Variants in BCAS3 observed in about 807,000 individuals in gnomAD.
The protein encoded by BCAS3 is BCAS3 microtubule associated cell migration factor.
In BCAS3, 53 loss-of-function variants were observed where a neutral mutation model predicts 116.1. That is an observed-to-expected ratio of 0.46 (90% CI 0.37 to 0.57). The LOEUF is 0.57. BCAS3 is among the 20% of genes least tolerant of loss of function. The pLI is 0.00. For synonymous variants in BCAS3, 391 were observed against 408.2 expected (o/e 0.96, Z 0.51); for missense variants, 917 against 1,165.4 (o/e 0.79, Z 3.10).
chr17:60,714,299 C>T (rs2038294551), intron 5 of BCAS3, among the ~76,000 whole-genome samples: 1 of 152,096 alleles, frequency 6.6e-6, no homozygotes, highest in Non-Finnish European at 1.5e-5. Flanking sequence ...TGTAGGTGGG[C>T]AGAAAATCAA....
rs1286543833 is a variant in BCAS3, at chr17:61,276,648, T to C, written c.2426-91679T>C. ...AGATTCAACACAATCTCTATCAAAA[T>C]GATCTCTATCAAAATCTCTATCAAA... On this transcript the variant is annotated intron_variant, in intron 22 of 23. Coordinates refer to ENST00000407086, the MANE Select transcript of BCAS3 (RefSeq NM_017679.5). This position sits in a 1 kb window ranked among gnomAD's most constrained non-coding sequence, Gnocchi z 4.2. Among the ~76,000 whole-genome samples the C allele has an allele frequency of 6.6e-6, 1 of 152,188 alleles. No homozygotes were observed. The highest frequency in any genetic ancestry group is 2.4e-5 in the African/African-American group (1 of 41,460).
rs994917422 is a variant in BCAS3, at chr17:61,145,022, G to C, written c.2425+60458G>C. On this transcript the variant is annotated intron_variant, in intron 22 of 23. Transcript: ENST00000407086. The surrounding 1 kb of genome is among the most constrained non-coding windows in gnomAD (Gnocchi z 5.0). ...AATATTCATTTAGACCATAACAACT[G>C]TTAGAACAAGATAACAACTCCAGGC... Among the ~76,000 whole-genome samples the C allele has an allele frequency of 2.0e-5, 3 of 152,104 alleles. No individual in the cohort carries two copies. Among genetic ancestry groups the C allele is most frequent in the Non-Finnish European group, 4.4e-5 (3 of 68,022 alleles).
In BCAS3 at chr17:61,356,867, T is replaced by C. The variant is rs1002122015; in HGVS notation, c.2426-11460T>C. 1.3e-5 allele frequency: 2 copies of C among 152,224 alleles called. No homozygotes were observed. Among genetic ancestry groups the C allele is most frequent in the African/African-American group, 4.8e-5 (2 of 41,454 alleles). The allele number at this position is 152,224 out of a possible 1,614,324, so 9.4% of individuals were successfully genotyped here. A position where few individuals can be genotyped will look rare whatever the true frequency, so the allele number is the denominator to read the frequency against. On this transcript the variant is annotated intron_variant, in intron 22 of 23. Transcript: ENST00000407086. The surrounding 1 kb of genome is among the most constrained non-coding windows in gnomAD (Gnocchi z 5.4). ...TACACAGGGATGAGTCAACATTGCA[T>C]GCAGCCAGCCATGGCCACTGGGAGA...
intron 6 of BCAS3, among the ~76,000 whole-genome samples, chr17:60,751,835 G>A (rs910390780): frequency 3.9e-5 from 6 of 152,144 alleles, no homozygotes; most frequent in South Asian, 2.1e-4. Context: ...GAGCCACTGC[G>A]CCCAGACTGT....
intron 12 of BCAS3, among the ~76,000 whole-genome samples, chr17:60,917,154 A>G (rs973817767): frequency 2.0e-5 from 3 of 152,354 alleles, no homozygotes; most frequent in Middle Eastern, 3.4e-3. Flanking sequence ...AATGTGGTAT[A>G]TGCAAACAAT....
rs966566417 is a variant in BCAS3 at position 60,961,338 on chromosome 17, C to T, written c.1221+13986C>T. Among the ~76,000 whole-genome samples, 9 of 152,162 alleles carry T rather than the reference C, an allele frequency of 5.9e-5. No homozygotes were observed. Among genetic ancestry groups the T allele is most frequent in the African/African-American group, 1.4e-4 (6 of 41,532 alleles). ...GGTTTATCAGCATACATGATTCTGG[C>T]GGCTGGCTAGGCTAGTCTGAAATCA... On this transcript the variant is annotated intron_variant, in intron 14 of 23. Transcript: ENST00000407086. The surrounding 1 kb of genome is among the most constrained non-coding windows in gnomAD (Gnocchi z 4.8).
chr17:61,042,791 G>A (rs2143049265), intron 19 of BCAS3, among the ~76,000 whole-genome samples: 1 of 150,304 alleles, frequency 6.7e-6, no homozygotes, highest in Non-Finnish European at 1.5e-5. Context: ...CTGGGAGGCT[G>A]AGGCAGGAGG....
intron 7 of BCAS3, among the ~76,000 whole-genome samples, chr17:60,862,843 AT>A (rs2054272717): frequency 6.7e-6 from 1 of 150,100 alleles, no homozygotes. Context: ...TTTTGCATTT[AT>A]TTTTTCATAA....
intron 22 of BCAS3, among the ~76,000 whole-genome samples, chr17:61,308,154 G>C (rs1460934725): frequency 6.6e-6 from 1 of 152,176 alleles, no homozygotes; most frequent in Non-Finnish European, 1.5e-5. Flanking sequence ...GGCACAACTG[G>C]CCAAGTGTGT....
In BCAS3 at chr17:60,920,878, ACAAC is replaced by A. The variant is rs1297335060; in HGVS notation, c.994-3528_994-3525del. ...GAGCAAGACTCCATCGCAAACAACA[ACAAC>A]AACAACAACAACAACAACAACAACA... On this transcript the variant is annotated intron_variant, in intron 12 of 23. Coordinates refer to ENST00000407086, the MANE Select transcript of BCAS3 (RefSeq NM_017679.5). Among the ~76,000 whole-genome samples the A allele has an allele frequency of 2.5e-4, 15 of 60,160 alleles. No individual in the cohort carries two copies. The East Asian group carries it at 4.2e-3, about 17-fold the overall frequency. The allele number at this position is 60,160 out of a possible 152,430, so 39.5% of individuals were successfully genotyped here.
intron 10 of BCAS3, among the ~76,000 whole-genome samples, chr17:60,896,483 G>T: frequency 6.6e-6 from 1 of 151,980 alleles, no homozygotes. Flanking sequence ...TTTGCTTTAG[G>T]AATCTGTGTG....
rs1486578920 is a variant in BCAS3, at chr17:61,344,440, C to T, written c.2426-23887C>T. 2.0e-5 allele frequency among the ~76,000 whole-genome samples: 3 copies of T among 152,130 alleles called. No homozygotes were observed. The highest frequency in any genetic ancestry group is 7.2e-5 in the African/African-American group (3 of 41,422). On this transcript the variant is annotated intron_variant, in intron 22 of 23. Coordinates refer to ENST00000407086, the MANE Select transcript of BCAS3 (RefSeq NM_017679.5). The surrounding 1 kb of genome is among the most constrained non-coding windows in gnomAD (Gnocchi z 4.1). ...GTTAGTGTCCCGTTGTCATTTAAGT[C>T]CTTGATTCTCTGAGACCACTATAGA...
At chr17:60,838,638 T>A (rs974015685) in intron 7 of BCAS3, among the ~76,000 whole-genome samples, 1 of 152,138 alleles carries the variant, frequency 6.6e-6, no homozygotes, top group African/African-American at 2.4e-5. Context: ...CTATAGACAA[T>A]AAAGAAATGA....
chr17:60,686,129 A>G (rs2034002851), intron 3 of BCAS3, among the ~76,000 whole-genome samples: 1 of 152,010 alleles, frequency 6.6e-6, no homozygotes, highest in Admixed American at 6.6e-5. Context: ...CGGCCTCCCA[A>G]AGTGCTGGGA....
chr17:61,302,937 T>A lies in BCAS3; in HGVS notation c.2426-65390T>A, dbSNP rs1175008742. Among the ~76,000 whole-genome samples the A allele has an allele frequency of 6.6e-6, 1 of 152,188 alleles. No homozygotes were observed. Among genetic ancestry groups the A allele is most frequent in the Admixed American group, 6.5e-5 (1 of 15,286 alleles). On this transcript the variant is annotated intron_variant, in intron 22 of 23. Transcript: ENST00000407086. This position sits in a 1 kb window ranked among gnomAD's most constrained non-coding sequence, Gnocchi z 4.4. ...CATCTATCTCTAAGGTCCCTTCCAG[T>A]GCCATCTGACCATCCATGGCTCTAG...
In BCAS3 at chr17:61,217,268, G is replaced by A. The variant is rs1276017281; in HGVS notation, c.2425+132704G>A. On this transcript the variant is annotated intron_variant, in intron 22 of 23. Coordinates refer to ENST00000407086, the MANE Select transcript of BCAS3 (RefSeq NM_017679.5). This position sits in a 1 kb window ranked among gnomAD's most constrained non-coding sequence, Gnocchi z 5.2. ...ACTGCACTCCAGCCTGAGTGACAGA[G>A]CAAGACTCCATCTCAAATAAATAAA... 6.6e-6 allele frequency among the ~76,000 whole-genome samples: 1 copy of A among 152,130 alleles called. No individual in the cohort carries two copies. The highest frequency in any genetic ancestry group is 1.5e-5 in the Non-Finnish European group (1 of 68,022).
chr17:61,091,188 C>T (rs1329300928), intron 22 of BCAS3, among the ~76,000 whole-genome samples: 2 of 152,208 alleles, frequency 1.3e-5, no homozygotes, highest in Admixed American at 1.3e-4. Context: ...TTGCAAGCAT[C>T]AGGTCCTTGA....
chr17:60,692,564 A>G (rs2034987455), intron 4 of BCAS3, among the ~76,000 whole-genome samples: 1 of 151,828 alleles, frequency 6.6e-6, no homozygotes, highest in African/African-American at 2.4e-5. Context: ...CTTTATTATC[A>G]TGCATGTTGA....
chr17:61,268,207 C>T (rs2049923741), intron 22 of BCAS3, among the ~76,000 whole-genome samples: 1 of 152,144 alleles, frequency 6.6e-6, no homozygotes, highest in African/African-American at 2.4e-5. Context: ...TGCTTGACTA[C>T]TCAGACTTGC....
Sources: allele counts gnomAD v4.1 joint callset (sites outside exome capture counted in the v4.1 genomes callset), GRCh38; gene constraint gnomAD v4.1.1; non-coding constraint Gnocchi (gnomAD v3.1); transcripts MANE v1.5; gene names NCBI Gene and HGNC (gene_info 2026-07-23, HGNC 2026-07-21).